The following PDLIM5 variants were observed in gnomAD, a reference collection of about 807,000 sequenced individuals.
PDLIM5 encodes the protein PDZ and LIM domain protein 5.
Under a neutral mutation model 64.2 loss-of-function variants are expected in PDLIM5, and 34 were observed. That is an observed-to-expected ratio of 0.53 (90% CI 0.40 to 0.71). The LOEUF (loss-of-function observed/expected upper bound fraction) is 0.71. PDLIM5 is among the 30% of genes least tolerant of loss of function. PDLIM5 has a pLI of 0.00. For synonymous variants in PDLIM5, 253 were observed against 269.1 expected (o/e 0.94, Z 0.59); for missense variants, 683 against 733.6 (o/e 0.93, Z 0.80).
chr4:94,643,968 A>G (rs62316491), intron 9 of PDLIM5, among the ~76,000 whole-genome samples: 3,157 of 152,256 alleles, frequency 0.021, 45 homozygotes, highest in Non-Finnish European at 0.03. Flanking sequence ...CCTCCTGGAA[A>G]TGTATTATTA....
intron 2 of PDLIM5, among the ~76,000 whole-genome samples, chr4:94,460,472 C>G (rs1723775723): frequency 6.6e-6 from 1 of 151,880 alleles, no homozygotes; most frequent in African/African-American, 2.4e-5. Context: ...ATAAGACTAG[C>G]AGGCTGGGCA....
rs374111529 is a variant in PDLIM5 at position 94,455,242 on chromosome 4, C to T, written c.-42-5C>T. On this transcript the variant is annotated splice_polypyrimidine_tract_variant and splice_region_variant and intron_variant, in intron 1 of 12. Coordinates refer to ENST00000317968, the MANE Select transcript of PDLIM5 (RefSeq NM_006457.5). ...TTTTGCTAATCATCTGATTTTCTTT[C>T]ACAGCATATTTCATTTTCTGTCATT... The T allele has an allele frequency of 3.1e-5, 34 of 1,095,598 alleles. No homozygotes were observed. In the African/African-American group the frequency reaches 5.1e-4, roughly 16 times the overall value. 67.9% of individuals were successfully genotyped at this position (1,095,598 alleles called of 1,614,324 possible). A position where few individuals can be genotyped will look rare whatever the true frequency, so the allele number is the denominator to read the frequency against.
At chr4:94,576,108 C>T (rs1428792463) in intron 5 of PDLIM5, 74 bp downstream of exon 5, 1 of 1,327,204 alleles carries the variant, frequency 7.5e-7, no homozygotes, top group African/African-American at 1.5e-5. Context: ...ACTCTACATT[C>T]CTCTCCCCCA....
intron 9 of PDLIM5, among the ~76,000 whole-genome samples, chr4:94,643,617 A>T (rs2110465761): frequency 6.6e-6 from 1 of 152,308 alleles, no homozygotes; most frequent in South Asian, 2.1e-4. Context: ...CTGTGAAAGA[A>T]ATAAGGGGCT....
At chr4:94,496,491 GTTTA>G (rs1416327782) in intron 2 of PDLIM5, among the ~76,000 whole-genome samples, 1 of 152,094 alleles carries the variant, frequency 6.6e-6, no homozygotes, top group Non-Finnish European at 1.5e-5. Context: ...TTATTTATTT[GTTTA>G]TTTATTAATT....
intron 8 of PDLIM5, among the ~76,000 whole-genome samples, chr4:94,636,539 CTTTTT>C (rs770256162): frequency 7.5e-6 from 1 of 133,874 alleles, no homozygotes. Flanking sequence ...AGAGTTCGTA[CTTTTT>C]TTTTTTTTTT....
At chr4:94,605,144 C>T (rs1737815422) in intron 7 of PDLIM5, among the ~76,000 whole-genome samples, 1 of 152,094 alleles carries the variant, frequency 6.6e-6, no homozygotes, top group Non-Finnish European at 1.5e-5. Context: ...ATGGATTAAT[C>T]GAGGCCACTG....
intron 8 of PDLIM5, among the ~76,000 whole-genome samples, chr4:94,635,315 A>G (rs573946033): frequency 3.3e-5 from 5 of 152,234 alleles, no homozygotes; most frequent in Admixed American, 2.0e-4. Context: ...TCAAGAACCA[A>G]TTTCCTCCTG....
At chr4:94,611,033 A>AT (rs1560739175) in intron 7 of PDLIM5, 3 of 1,500,042 alleles carry the variant, frequency 2.0e-6, no homozygotes, top group Non-Finnish European at 2.7e-6. Flanking sequence ...TGGTAGTGTG[A>AT]TTTTTGACTT....
intron 2 of PDLIM5, among the ~76,000 whole-genome samples, chr4:94,512,741 T>C (rs2110108469): frequency 6.6e-6 from 1 of 152,268 alleles, no homozygotes; most frequent in African/African-American, 2.4e-5. Flanking sequence ...AGTTGATGTG[T>C]CCCATTTGTC....
intron 11 of PDLIM5, among the ~76,000 whole-genome samples, chr4:94,659,567 G>A (rs1425124165): frequency 1.0e-4 from 15 of 148,466 alleles, no homozygotes; most frequent in East Asian, 2.0e-4. Context: ...TTGCTCTGTC[G>A]CCCAGGCTGG....
intron 8 of PDLIM5, among the ~76,000 whole-genome samples, chr4:94,636,190 A>G (rs1355182485): frequency 6.6e-6 from 1 of 152,190 alleles, no homozygotes; most frequent in Non-Finnish European, 1.5e-5. Context: ...TGACTGATGG[A>G]GAATTACCAC....
chr4:94,542,755 A>G (rs1451230382), intron 3 of PDLIM5, among the ~76,000 whole-genome samples: 5 of 152,270 alleles, frequency 3.3e-5, no homozygotes, highest in South Asian at 4.2e-4. Flanking sequence ...TATTTCATCT[A>G]TTTAATAGGA....
At position 94,476,775 on chromosome 4, in the gene PDLIM5, C is replaced by T. The variant is rs188149973; in HGVS notation, c.96+21391C>T. Among the ~76,000 whole-genome samples the T allele has an allele frequency of 8.5e-5, 13 of 152,268 alleles. No individual in the cohort carries two copies. In the East Asian group the frequency reaches 2.5e-3, roughly 29 times the overall value. On this transcript the variant is annotated intron_variant, in intron 2 of 12. Coordinates refer to ENST00000317968, the MANE Select transcript of PDLIM5 (RefSeq NM_006457.5). ...TGAGAGTTTGGACTCTGGAGCCAGC[C>T]ATCGTGGGTTCAAATCGCAGTAGGG...
intron 7 of PDLIM5, among the ~76,000 whole-genome samples, chr4:94,593,074 A>G (rs1011401271): frequency 2.6e-5 from 4 of 152,128 alleles, no homozygotes; most frequent in Admixed American, 6.6e-5. Context: ...TCTTATGGAT[A>G]TTGGTCTACA....
intron 9 of PDLIM5, among the ~76,000 whole-genome samples, chr4:94,649,476 C>T (rs73834234): frequency 6.6e-6 from 1 of 152,280 alleles, no homozygotes; most frequent in African/African-American, 2.4e-5. Context: ...CCTCTCTGCC[C>T]TCCCTGCTTA....
chr4:94,473,185 A>G (rs1481300963), intron 2 of PDLIM5, among the ~76,000 whole-genome samples: 4 of 152,246 alleles, frequency 2.6e-5, no homozygotes, highest in African/African-American at 9.6e-5. Flanking sequence ...TTTGCTTGGC[A>G]TGTTCAAGGA....
At chr4:94,657,154 A>G (rs1172986652) in intron 10 of PDLIM5, among the ~76,000 whole-genome samples, 3 of 152,214 alleles carry the variant, frequency 2.0e-5, no homozygotes, top group African/African-American at 7.2e-5. Context: ...TTCACTGTAC[A>G]TATAATGTAT....
Position 94,479,831 on chromosome 4 carries a change from G to A in PDLIM5, c.96+24447G>A, listed in dbSNP as rs139447828. Among the ~76,000 whole-genome samples the A allele has an allele frequency of 2.4e-4, 36 of 151,880 alleles. 1 individual carries two copies. Among genetic ancestry groups the A allele is most frequent in the South Asian group, 6.2e-4 (3 of 4,806 alleles). On this transcript the variant is annotated intron_variant, in intron 2 of 12. Transcript: ENST00000317968. ...ATTTTATGGTGTTTGTCTTTGCTTC[G>A]ATCCTGATTTTTTAATCTTGGCAGA...
Sources: gnomAD v4.1 joint callset for allele counts (sites outside exome capture counted in the v4.1 genomes callset) on GRCh38, gnomAD v4.1.1 for gene constraint, MANE v1.5 for transcripts, NCBI Gene and HGNC (gene_info 2026-07-23, HGNC 2026-07-21) for gene names.